The following MORC3 variants were observed in gnomAD, a reference collection of about 807,000 sequenced individuals.
MORC3 encodes MORC family CW-type zinc finger 3, also known as MORC family CW-type zinc finger protein 3.
Under a neutral mutation model 109.1 loss-of-function variants are expected in MORC3, and 31 were observed. The observed-to-expected ratio is 0.28, with a 90% confidence interval of 0.21 to 0.38. MORC3 has a LOEUF of 0.38. MORC3 is among the 10% of genes least tolerant of loss of function. MORC3 has a pLI of 1.00. For synonymous variants in MORC3, 395 were observed against 380.7 expected, an observed-to-expected ratio of 1.04 and a Z score of -0.44; for missense variants, 867 against 1,135.8, an observed-to-expected ratio of 0.76 and a Z score of 3.40.
chr21:36,344,873 G>A (rs1329547496), intron 7 of MORC3, 39 bp from the exon 8 acceptor site: 9 of 1,608,826 alleles, frequency 5.6e-6, no homozygotes, highest in African/African-American at 5.4e-5. Context: ...TTTGAACTGA[G>A]TGAGGTGTTG....
At chr21:36,354,479 G>T (rs2085621683) in intron 9 of MORC3, among the ~76,000 whole-genome samples, 2 of 151,386 alleles carry the variant, frequency 1.3e-5, no homozygotes, top group Admixed American at 1.3e-4. Context: ...TAATTTTTGT[G>T]TGTTTAGTAG....
intron 9 of MORC3, among the ~76,000 whole-genome samples, chr21:36,350,510 T>C (rs920662853): frequency 6.8e-6 from 1 of 146,784 alleles, no homozygotes. Context: ...TGTCACTGCA[T>C]TCCCGCGCTG....
chr21:36,329,306 A>C (rs572835241), intron 1 of MORC3, among the ~76,000 whole-genome samples: 1,677 of 150,318 alleles, frequency 0.011, 14 homozygotes, highest in Non-Finnish European at 0.018. Flanking sequence ...AAAACAAAAA[A>C]AAAAAAAGAA....
intron 5 of MORC3, chr21:36,339,166 C>A (rs879905031): frequency 6.8e-6 from 2 of 292,420 alleles, no homozygotes; most frequent in Non-Finnish European, 1.3e-5. Context: ...GTTCCCCAGG[C>A]TGGAATGCGA....
chr21:36,337,750 A>G lies in MORC3; in HGVS notation c.264A>G (p.Lys88=). The stretch of plus-strand genomic sequence containing the variant: ...TTCTTAGCTTTGGCTTCAGTGACAA[A>G]GTCACCATGAATGGTCATGTCCCAG... ...HKMLSFGFSD[K]VTMNGHVPVG... is the part of the protein sequence containing the mutation. The change falls in exon 4 of 17, where the codon AAA becomes AAG. Residue 88 remains lysine, a synonymous_variant. Coordinates refer to ENST00000400485, the MANE Select transcript of MORC3 (RefSeq NM_015358.3). 1 of 1,609,274 alleles carries G rather than the reference A, an allele frequency of 6.2e-7. No individual in the cohort carries two copies. Among genetic ancestry groups the G allele is most frequent in the South Asian group, 1.1e-5 (1 of 90,106 alleles).
chr21:36,340,528 G>C lies in MORC3; in HGVS notation c.609-871G>C, dbSNP rs59744590. 3.7e-3 allele frequency among the ~76,000 whole-genome samples: 552 copies of C among 150,780 alleles called. 4 individuals are homozygous for C. The highest frequency in any genetic ancestry group is 0.013 in the African/African-American group (535 of 41,128). On this transcript the variant is annotated intron_variant, in intron 5 of 16. Coordinates refer to ENST00000400485, the MANE Select transcript of MORC3 (RefSeq NM_015358.3). ...AACAACATGGAAACCTTTTGGATTT[G>C]ACTTTTTTCACTTAGCATAACTCCT...
intron 12 of MORC3, 119 bp from the exon 13 acceptor site, chr21:36,362,064 T>A: frequency 1.9e-6 from 2 of 1,064,860 alleles, no homozygotes; most frequent in Non-Finnish European, 2.8e-6. Context: ...GGGCTTACTG[T>A]TGATTATATT....
Position 36,320,239 on chromosome 21 carries a change from G to T in MORC3, c.-26G>T. ...TCCCAGTCGGGTTGCGGCGGAGGCC[G>T]TTCCTGGCTTTGTAGCTCGCTCAAG... is the stretch of plus-strand genomic sequence containing the variant. On this transcript the variant is annotated 5_prime_UTR_variant, in exon 1 of 17. Transcript: ENST00000400485. 6.3e-7 allele frequency: 1 copy of T among 1,575,904 alleles called. No homozygotes were observed. The highest frequency in any genetic ancestry group is 8.6e-7 in the Non-Finnish European group (1 of 1,161,966).
intron 3 of MORC3, among the ~76,000 whole-genome samples, chr21:36,337,292 AC>A (rs2085384501): frequency 6.6e-6 from 1 of 152,164 alleles, no homozygotes; most frequent in Admixed American, 6.6e-5. Flanking sequence ...ATTAGGTTTA[AC>A]CATTGTTTGT....
intron 16 of MORC3, among the ~76,000 whole-genome samples, chr21:36,374,628 A>C (rs1438376546): frequency 3.3e-5 from 5 of 152,086 alleles, no homozygotes; most frequent in Admixed American, 2.6e-4. Context: ...CCATTGCTAC[A>C]AATAATAATA....
At chr21:36,335,278 A>G (rs2085363178) in intron 2 of MORC3, among the ~76,000 whole-genome samples, 1 of 151,478 alleles carries the variant, frequency 6.6e-6, no homozygotes, top group South Asian at 2.1e-4. Context: ...GAAGGGTTCT[A>G]TCATAGATGG....
rs1194951394 is a variant in MORC3 at position 36,372,457 on chromosome 21, A to G, written c.2592A>G (p.Thr864=). 6.2e-7 allele frequency: 1 copy of G among 1,609,614 alleles called. No individual in the cohort carries two copies. Among genetic ancestry groups the G allele is most frequent in the Non-Finnish European group, 8.5e-7 (1 of 1,179,298 alleles). ...LKTEVEQLKS[T]NQQTATDVST... ...CTGAAGTAGAACAGTTAAAATCTAC[A>G]AATCAACAGACGGCAACAGATGTTT... The change falls in exon 16 of 17, where the codon ACA becomes ACG. Residue 864 remains threonine, a synonymous_variant. Coordinates refer to ENST00000400485, the MANE Select transcript of MORC3 (RefSeq NM_015358.3).
At chr21:36,340,645 T>C (rs1003690849) in intron 5 of MORC3, among the ~76,000 whole-genome samples, 3 of 150,460 alleles carry the variant, frequency 2.0e-5, no homozygotes, top group Non-Finnish European at 3.0e-5. Flanking sequence ...TTTCTTTTTT[T>C]TTTTTTTGAG....
chr21:36,344,660 A>C lies in MORC3; in HGVS notation c.838A>C (p.Lys280Gln). The C allele has an allele frequency of 6.2e-7, 1 of 1,614,174 alleles. No individual in the cohort carries two copies. Among genetic ancestry groups the C allele is most frequent in the Non-Finnish European group, 8.5e-7 (1 of 1,180,020 alleles). The change falls in exon 7 of 17, where the codon AAG becomes CAG. Residue 280 changes from lysine (K) to glutamine (Q), a missense_variant. Lys to Gln is a moderately conservative substitution (Grantham distance 53). Around this residue, in one of 7 missense-constraint regions of MORC3, gnomAD observed 120 missense variants for 259.7 expected, o/e 0.46. Coordinates refer to ENST00000400485, the MANE Select transcript of MORC3 (RefSeq NM_015358.3). ...GQKVKTQLVS[K>Q]SLAYIERDVY... ...GAAAGTGAAGACACAGCTGGTTTCGAAGAGTCTTGCCTACATCGAACGTGA... is the reference window on the plus strand; with the variant it reads ...GAAAGTGAAGACACAGCTGGTTTCGCAGAGTCTTGCCTACATCGAACGTGA...
intron 16 of MORC3, among the ~76,000 whole-genome samples, chr21:36,373,671 T>G (rs993844191): frequency 6.7e-6 from 1 of 149,796 alleles, no homozygotes; most frequent in Non-Finnish European, 1.5e-5. Flanking sequence ...TTATCAAAGG[T>G]CTAGTGGACT....
chr21:36,341,448 A>G lies in MORC3; in HGVS notation c.658A>G (p.Arg220Gly). ...TTTTGAAAAGGATAAATATGATATC[A>G]GAATTCCCGAGGATTTAGATGAGAT... The part of the protein sequence containing the change: ...FDFEKDKYDI[R>G]IPEDLDEITG... Residue 220 changes from arginine to glycine, a missense_variant, in exon 6 of 17, where the codon AGA (arginine) becomes GGA (glycine). This residue lies in a region of MORC3 where 134 missense variants were observed against 166.6 expected (regional missense o/e 0.80). Coordinates refer to ENST00000400485, the MANE Select transcript of MORC3 (RefSeq NM_015358.3). The G allele has an allele frequency of 1.2e-6, 2 of 1,613,212 alleles. No homozygotes were observed. Among genetic ancestry groups the G allele is most frequent in the Non-Finnish European group, 1.7e-6 (2 of 1,179,826 alleles).
In MORC3 at chr21:36,364,089, A is replaced by G. The variant is rs750266721; in HGVS notation, c.1453-4A>G. On this transcript the variant is annotated splice_region_variant and splice_polypyrimidine_tract_variant and intron_variant, in intron 13 of 16. Coordinates refer to ENST00000400485, the MANE Select transcript of MORC3 (RefSeq NM_015358.3). The stretch of plus-strand genomic sequence containing the variant: ...TTTAAGGTGATGATTTTTCCCTCCA[A>G]CAGATTAATGCTGAACTGTTGTTTC... 21 of 1,610,334 alleles carry G rather than the reference A, an allele frequency of 1.3e-5. No individual in the cohort carries two copies. Among genetic ancestry groups the G allele is most frequent in the Non-Finnish European group, 1.7e-5 (20 of 1,178,852 alleles).
rs779876335 is a variant in MORC3, at chr21:36,364,277, GT to G, written c.1619+22del. The G allele has an allele frequency of 1.2e-6, 2 of 1,609,440 alleles. No homozygotes were observed. Among genetic ancestry groups the G allele is most frequent in the South Asian group, 2.2e-5 (2 of 90,534 alleles). On this transcript the variant is annotated intron_variant, in intron 14 of 16. Coordinates refer to ENST00000400485, the MANE Select transcript of MORC3 (RefSeq NM_015358.3). ...AGCAACAGGTCAGTGGCTAAGATTG[GT>G]TTTCCATTTGGGGAATATTAAACAG...
chr21:36,320,511 G>A, intron 1 of MORC3: 1 of 411,344 alleles, frequency 2.4e-6, no homozygotes. Flanking sequence ...TCTGCATTGT[G>A]TTTCTGTTTT....
Sources: allele counts gnomAD v4.1 joint callset (sites outside exome capture counted in the v4.1 genomes callset), GRCh38; gene constraint gnomAD v4.1.1; regional missense constraint gnomAD v4.1.1; transcripts MANE v1.5; gene names NCBI Gene and HGNC (gene_info 2026-07-23, HGNC 2026-07-21).